ALK: variants seen among roughly 807,000 people sequenced by gnomAD.
ALK encodes the protein ALK receptor tyrosine kinase, also known as ALK tyrosine kinase receptor.
Under a neutral mutation model 163.1 loss-of-function variants are expected in ALK, and 74 were observed. The ratio of observed to expected loss-of-function variants is 0.45; its 90% CI spans 0.38 to 0.55. The LOEUF (loss-of-function observed/expected upper bound fraction) is 0.55. Among genes scored for constraint, ALK ranks in the 20% least tolerant of loss-of-function variants. The pLI is 0.00. For synonymous variants in ALK, 960 were observed against 843.2 expected, an observed-to-expected ratio of 1.14 and a Z score of -2.40; for missense variants, 2,063 against 2,105.3, an observed-to-expected ratio of 0.98 and a Z score of 0.39.
chr2:29,799,277 G>C (rs1047753466), intron 1 of ALK, among the ~76,000 whole-genome samples: 1 of 152,188 alleles, frequency 6.6e-6, no homozygotes, highest in Non-Finnish European at 1.5e-5. Flanking sequence ...TTGAAATCCA[G>C]CAAGGGCACC....
At position 29,824,925 on chromosome 2, in the gene ALK, T is replaced by C. The variant is rs532593702; in HGVS notation, c.667+95068A>G. Among the ~76,000 whole-genome samples the C allele has an allele frequency of 6.4e-4, 97 of 152,334 alleles. 1 individual carries two copies. Among genetic ancestry groups the C allele is most frequent in the African/African-American group, 2.2e-3 (92 of 41,570 alleles). ...GAAGTGGAATGATATGGTTTGGCTATGTTCCCACCAAAATCTCATCTTGAA... is the reference window on the plus strand; with the variant it reads ...GAAGTGGAATGATATGGTTTGGCTACGTTCCCACCAAAATCTCATCTTGAA... On this transcript the variant is annotated intron_variant, in intron 1 of 28. Transcript: ENST00000389048.
At chr2:29,820,385 G>A (rs12621529) in intron 1 of ALK, among the ~76,000 whole-genome samples, 47,754 of 152,050 alleles carry the variant, frequency 0.31, 8,017 homozygotes, top group Non-Finnish European at 0.38. Context: ...TGCAACCTCA[G>A]AAAAGACCCT....
chr2:29,861,072 T>C, intron 1 of ALK, among the ~76,000 whole-genome samples: 1 of 152,080 alleles, frequency 6.6e-6, no homozygotes, highest in East Asian at 1.9e-4. Flanking sequence ...CTCAGGGGGC[T>C]GCGGTGGGAT....
intron 1 of ALK, among the ~76,000 whole-genome samples, chr2:29,759,099 T>C (rs1680626738): frequency 6.6e-6 from 1 of 152,198 alleles, no homozygotes; most frequent in Non-Finnish European, 1.5e-5. Flanking sequence ...GTAAGCTGTC[T>C]CCTCCCTGCT....
At chr2:29,228,775 G>A in intron 16 of ALK, 109 bp downstream of exon 16, 1 of 779,580 alleles carries the variant, frequency 1.3e-6, no homozygotes, top group Non-Finnish European at 2.3e-6. Flanking sequence ...TCACATCACA[G>A]TCCACACTTG....
chr2:29,526,576 A>G (rs1048234415), intron 4 of ALK, among the ~76,000 whole-genome samples: 3 of 152,250 alleles, frequency 2.0e-5, no homozygotes, highest in Non-Finnish European at 4.4e-5. Context: ...AGCTGACTCT[A>G]TGAATGACTT....
chr2:29,271,661 G>T (rs1179154810), intron 11 of ALK, among the ~76,000 whole-genome samples: 1 of 152,240 alleles, frequency 6.6e-6, no homozygotes, highest in African/African-American at 2.4e-5. Flanking sequence ...ACCTGCAGAG[G>T]CAGAATGGCC....
rs141276052 is a variant in ALK, at chr2:29,564,775, A to T, written c.953-32659T>A. Among the ~76,000 whole-genome samples, 77 of 152,146 alleles carry T rather than the reference A, an allele frequency of 5.1e-4. No homozygotes were observed. The East Asian group carries it at 7.3e-3, about 15-fold the overall frequency. ...CTCAGAGGTGGAGGGAGGCTGAGCC[A>T]CTCTTGTCATCTTTCCGTTGTTGCT... On this transcript the variant is annotated intron_variant, in intron 3 of 28. Coordinates refer to ENST00000389048, the MANE Select transcript of ALK (RefSeq NM_004304.5).
At chr2:29,884,303 C>T (rs1416857420) in intron 1 of ALK, among the ~76,000 whole-genome samples, 1 of 152,068 alleles carries the variant, frequency 6.6e-6, no homozygotes, top group East Asian at 1.9e-4. Context: ...CACCATGGGA[C>T]CCATACAAAG....
rs1410138765 is a variant in ALK, at chr2:29,328,376, T to G, written c.1388A>C (p.Gln463Pro). 6.2e-7 allele frequency: 1 copy of G among 1,614,186 alleles called. No individual in the cohort carries two copies. The highest frequency in any genetic ancestry group is 1.1e-5 in the South Asian group (1 of 91,080). ...GCACATCTGGCTCTCATCTTCTCCC[T>G]GGGCACAGTCCTGGTGGAAGTCACA... ...QACDFHQDCAQGEDESQMCRK... is the reference protein window; with the variant it reads ...QACDFHQDCAPGEDESQMCRK... The change falls in exon 6 of 29, where the codon CAG (glutamine) becomes CCG (proline). Residue 463 changes from glutamine (Q) to proline (P), a missense_variant. By Grantham distance (76) the Gln-to-Pro change is moderately conservative. This residue lies in a region of ALK where 987 missense variants were observed against 939.5 expected (regional missense o/e 1.05). Coordinates refer to ENST00000389048, the MANE Select transcript of ALK (RefSeq NM_004304.5).
intron 3 of ALK, among the ~76,000 whole-genome samples, chr2:29,543,023 T>C (rs1476155860): frequency 2.0e-5 from 3 of 152,178 alleles, no homozygotes; most frequent in Non-Finnish European, 4.4e-5. Flanking sequence ...TATATATTGA[T>C]CTTTCTTTTT....
At chr2:29,506,711 C>A (rs1473571434) in intron 4 of ALK, among the ~76,000 whole-genome samples, 7 of 151,928 alleles carry the variant, frequency 4.6e-5, no homozygotes, top group Non-Finnish European at 7.4e-5. Flanking sequence ...GTGCCACTGC[C>A]CTCCAGCCTG....
chr2:29,822,380 C>T (rs1448693042), intron 1 of ALK, among the ~76,000 whole-genome samples: 3 of 152,208 alleles, frequency 2.0e-5, no homozygotes, highest in African/African-American at 7.2e-5. Context: ...AACAAGTTTT[C>T]AGGTGGGAGG....
intron 28 of ALK, among the ~76,000 whole-genome samples, chr2:29,195,895 T>C (rs1669011106): frequency 6.6e-6 from 1 of 152,182 alleles, no homozygotes; most frequent in Non-Finnish European, 1.5e-5. Flanking sequence ...TTGGTGATAC[T>C]GGCAGCAAGG....
intron 1 of ALK, among the ~76,000 whole-genome samples, chr2:29,737,400 G>T (rs1438654604): frequency 6.6e-6 from 1 of 152,092 alleles, no homozygotes; most frequent in Non-Finnish European, 1.5e-5. Context: ...GAAAACTGCA[G>T]TTGGTGCTGA....
chr2:29,488,495 A>T lies in ALK; in HGVS notation c.1154+43420T>A, dbSNP rs116639578. On this transcript the variant is annotated intron_variant, in intron 4 of 28. Transcript: ENST00000389048. ...CAGTTTCCCTGGCATGACTGATGGC[A>T]TTGGAGTGGTAGGATTGACTTGGAC... Among the ~76,000 whole-genome samples the T allele has an allele frequency of 3.5e-3, 529 of 152,282 alleles. 3 individuals are homozygous for T. The highest frequency in any genetic ancestry group is 0.012 in the African/African-American group (505 of 41,566).
At chr2:29,297,173 T>A (rs1417256001) in intron 8 of ALK, 116 bp from the exon 9 acceptor site, 2 of 1,181,884 alleles carry the variant, frequency 1.7e-6, no homozygotes, top group Non-Finnish European at 2.5e-6. Context: ...TTCAGCCTGG[T>A]GAGAAGAGCT....
At chr2:29,711,348 C>T (rs781313131) in intron 2 of ALK, among the ~76,000 whole-genome samples, 5 of 152,174 alleles carry the variant, frequency 3.3e-5, no homozygotes, top group Non-Finnish European at 7.4e-5. Context: ...GTTCAGCTGC[C>T]GCAGTCTCCA....
At chr2:29,413,610 C>T (rs1281011052) in intron 4 of ALK, among the ~76,000 whole-genome samples, 1 of 152,166 alleles carries the variant, frequency 6.6e-6, no homozygotes, top group African/African-American at 2.4e-5. Flanking sequence ...CAGCTCACTG[C>T]AACCTCCACC....
Sources: allele counts gnomAD v4.1 joint callset (sites outside exome capture counted in the v4.1 genomes callset), GRCh38; gene constraint gnomAD v4.1.1; regional missense constraint gnomAD v4.1.1; transcripts MANE v1.5; gene names NCBI Gene and HGNC (gene_info 2026-07-23, HGNC 2026-07-21).